Variants in PACSIN2 observed in about 807,000 individuals in gnomAD.
PACSIN2 encodes protein kinase C and casein kinase substrate in neurons 2, also known as protein kinase C and casein kinase substrate in neurons protein 2.
In PACSIN2, 25 loss-of-function variants were observed where a neutral mutation model predicts 63.8. The ratio of observed to expected loss-of-function variants is 0.39; its 90% CI spans 0.29 to 0.55. PACSIN2 has a LOEUF of 0.55. Ranked by LOEUF, PACSIN2 falls within the 20% of genes least tolerant of loss-of-function variation. PACSIN2 has a pLI of 0.62. For missense variants in PACSIN2, 518 were observed against 646.9 expected (o/e 0.80, Z 2.16); for synonymous variants, 255 against 256.2 (o/e 1.00, Z 0.05).
At chr22:42,983,004 A>C (rs1922329951) in intron 1 of PACSIN2, among the ~76,000 whole-genome samples, 1 of 151,964 alleles carries the variant, frequency 6.6e-6, no homozygotes, top group African/African-American at 2.4e-5. Flanking sequence ...AACATGGTGA[A>C]ACCCCATCTC....
intron 10 of PACSIN2, among the ~76,000 whole-genome samples, chr22:42,872,046 A>G (rs959525254): frequency 6.6e-6 from 1 of 152,216 alleles, no homozygotes; most frequent in African/African-American, 2.4e-5. Flanking sequence ...CCTGAGAAGG[A>G]GCCCCTGGCG....
At chr22:42,959,454 G>C (rs775966700) in intron 1 of PACSIN2, 6 of 152,172 alleles carry the variant, frequency 3.9e-5, no homozygotes, top group Non-Finnish European at 8.8e-5. Context: ...CAAAGTTATT[G>C]CATCTATTTT....
At chr22:42,874,526 A>C (rs545995173) in intron 10 of PACSIN2, among the ~76,000 whole-genome samples, 1 of 152,274 alleles carries the variant, frequency 6.6e-6, no homozygotes, top group African/African-American at 2.4e-5. Context: ...GCACACACAC[A>C]AGTTGCTGCC....
intron 1 of PACSIN2, among the ~76,000 whole-genome samples, chr22:42,929,718 G>C (rs576071748): frequency 7.2e-5 from 11 of 152,354 alleles, no homozygotes; most frequent in African/African-American, 2.6e-4. Flanking sequence ...AGGCAGGAGA[G>C]TGACCCGCCA....
At chr22:42,977,790 T>G (rs953093239) in intron 1 of PACSIN2, among the ~76,000 whole-genome samples, 2 of 152,102 alleles carry the variant, frequency 1.3e-5, no homozygotes, top group Non-Finnish European at 2.9e-5. Flanking sequence ...TCTCTGTCTC[T>G]CTCCTGCTCT....
chr22:42,965,297 G>T (rs1196049830), intron 1 of PACSIN2, among the ~76,000 whole-genome samples: 3 of 152,162 alleles, frequency 2.0e-5, no homozygotes, highest in Non-Finnish European at 4.4e-5. Flanking sequence ...GACTTCAAAG[G>T]GACACAAGGA....
intron 1 of PACSIN2, chr22:43,002,187 G>C (rs963591010): frequency 1.3e-5 from 2 of 152,218 alleles, no homozygotes; most frequent in Non-Finnish European, 2.9e-5. Flanking sequence ...AGAAGCTAGA[G>C]ATGAACTCTA....
chr22:42,980,415 A>G (rs1431617834), intron 1 of PACSIN2, among the ~76,000 whole-genome samples: 3 of 151,594 alleles, frequency 2.0e-5, no homozygotes, highest in Non-Finnish European at 4.4e-5. Flanking sequence ...TCACACCACG[A>G]CACTCCAGCC....
chr22:42,893,778 G>A (rs572680531), intron 2 of PACSIN2, among the ~76,000 whole-genome samples, 165 bp from the exon 3 acceptor site: 1 of 152,294 alleles, frequency 6.6e-6, no homozygotes, highest in South Asian at 2.1e-4. Flanking sequence ...TAGATAATGA[G>A]CCTCTCTATT....
chr22:42,943,261 C>A (rs1430087764), intron 1 of PACSIN2, among the ~76,000 whole-genome samples: 4 of 152,086 alleles, frequency 2.6e-5, no homozygotes, highest in Non-Finnish European at 5.9e-5. Context: ...CTTGCTGAAC[C>A]TGTATATTAA....
intron 2 of PACSIN2, among the ~76,000 whole-genome samples, chr22:42,906,168 T>G (rs967900390): frequency 6.6e-6 from 1 of 152,242 alleles, no homozygotes; most frequent in Non-Finnish European, 1.5e-5. Flanking sequence ...GGACTGTCCC[T>G]GTCACACTCA....
At chr22:42,960,211 T>C (rs1339259776) in intron 1 of PACSIN2, among the ~76,000 whole-genome samples, 10 of 152,198 alleles carry the variant, frequency 6.6e-5, no homozygotes, top group African/African-American at 2.4e-4. Context: ...TCCTCCTGCT[T>C]ACAAGAGAAA....
intron 1 of PACSIN2, among the ~76,000 whole-genome samples, chr22:42,965,867 T>A (rs1208329491): frequency 1.3e-5 from 2 of 152,194 alleles, no homozygotes; most frequent in Non-Finnish European, 2.9e-5. Flanking sequence ...TTAGTTTCTC[T>A]CTTCAAATAA....
rs567109025 is a variant in PACSIN2, at chr22:42,953,094, G to C, written c.-77-40937C>G. On this transcript the variant is annotated intron_variant, in intron 1 of 10. Coordinates refer to ENST00000263246, the MANE Select transcript of PACSIN2 (RefSeq NM_001184970.3). ...TCTAAATAGCATTAGCTGTATAAAA[G>C]ACAATGGCAAATTTGCAGGATTTAA... Among the ~76,000 whole-genome samples the C allele has an allele frequency of 6.6e-5, 10 of 151,984 alleles. No homozygotes were observed. The East Asian group carries it at 1.9e-3, about 29-fold the overall frequency.
In PACSIN2 at chr22:42,892,907, A is replaced by T. The variant is rs143717855; in HGVS notation, c.217+550T>A. Among the ~76,000 whole-genome samples the T allele has an allele frequency of 1.7e-3, 253 of 152,330 alleles. 3 individuals carry two copies. The highest frequency in any genetic ancestry group is 5.8e-3 in the African/African-American group (243 of 41,568). On this transcript the variant is annotated intron_variant, in intron 3 of 10. Transcript: ENST00000263246. ...CCTTCCCTGCTGGGAAGTGTGTTCT[A>T]AGCATGGCCCCTGTCCACACAACAG...
intron 2 of PACSIN2, among the ~76,000 whole-genome samples, chr22:42,899,404 C>T (rs1158393819): frequency 2.0e-5 from 3 of 152,204 alleles, no homozygotes; most frequent in East Asian, 3.9e-4. Context: ...TTTCCTGCCT[C>T]GGCCTCCCGA....
At chr22:42,958,379 G>A (rs1472400045) in intron 1 of PACSIN2, among the ~76,000 whole-genome samples, 1 of 152,104 alleles carries the variant, frequency 6.6e-6, no homozygotes, top group East Asian at 1.9e-4. Flanking sequence ...TGTGTGGGTG[G>A]GCAAACGGGT....
chr22:42,972,585 T>C (rs1921410209), intron 1 of PACSIN2, among the ~76,000 whole-genome samples: 1 of 152,138 alleles, frequency 6.6e-6, no homozygotes, highest in African/African-American at 2.4e-5. Context: ...AAAAAAGATA[T>C]GATCAGAACT....
intron 1 of PACSIN2, among the ~76,000 whole-genome samples, chr22:43,014,610 G>A (rs1201547011): frequency 6.6e-6 from 1 of 151,760 alleles, no homozygotes; most frequent in Non-Finnish European, 1.5e-5. Context: ...CCCTCCAAAA[G>A]TCGCCCCAGC....
Sources: allele counts gnomAD v4.1 joint callset (sites outside exome capture counted in the v4.1 genomes callset), GRCh38; gene constraint gnomAD v4.1.1; transcripts MANE v1.5; gene names NCBI Gene and HGNC (gene_info 2026-07-23, HGNC 2026-07-21).